Variants in TECRL observed in about 807,000 individuals in gnomAD.
The protein encoded by TECRL is trans-2,3-enoyl-CoA reductase like, also known as trans-2,3-enoyl-CoA reductase-like.
In TECRL, 63 loss-of-function variants were observed where a neutral mutation model predicts 52.8. That is an observed-to-expected ratio of 1.19 (90% confidence interval 0.97 to 1.47). TECRL has a LOEUF of 1.47. TECRL is among the 40% of genes most tolerant of loss of function. TECRL has a pLI of 0.00. For synonymous variants in TECRL, 164 were observed against 141.9 expected (o/e 1.16, Z -1.10); for missense variants, 482 against 429.6 (o/e 1.12, Z -1.08).
intron 2 of TECRL, among the ~76,000 whole-genome samples, chr4:64,368,919 A>G (rs1176215604): frequency 1.3e-5 from 2 of 152,108 alleles, no homozygotes; most frequent in Non-Finnish European, 1.5e-5. Context: ...ATTTTGGCAA[A>G]GATTTATATG....
intron 2 of TECRL, among the ~76,000 whole-genome samples, chr4:64,364,763 A>G (rs1223896353): frequency 6.6e-6 from 1 of 152,060 alleles, no homozygotes; most frequent in African/African-American, 2.4e-5. Flanking sequence ...AATCAGGAAT[A>G]CAAAACCTAC....
chr4:64,334,054 A>AAAAAAAAAAAATAAAG, intron 2 of TECRL, among the ~76,000 whole-genome samples: 1 of 147,472 alleles, frequency 6.8e-6, no homozygotes, highest in Non-Finnish European at 1.5e-5. Flanking sequence ...AAAAAAGAAA[A>AAAAAAAAAAAATAAAG]AGAGAGAATG....
intron 2 of TECRL, among the ~76,000 whole-genome samples, chr4:64,338,395 C>A (rs1719287645): frequency 6.6e-6 from 1 of 152,104 alleles, no homozygotes; most frequent in Non-Finnish European, 1.5e-5. Context: ...CTCTAAAACA[C>A]CAAAAGCAAT....
rs1262594647 is a variant in TECRL, at chr4:64,409,450, T to C, written c.-99A>G. On this transcript the variant is annotated 5_prime_UTR_variant, in exon 1 of 12. Transcript: ENST00000381210. ...ATACTGCTGGAGAACCTTTGAAAGG[T>C]CAAATGGTATGCCATTCCAAGAGTT... 3 of 1,503,634 alleles carry C rather than the reference T, an allele frequency of 2.0e-6. No homozygotes were observed. The highest frequency in any genetic ancestry group is 2.7e-5 in the South Asian group (2 of 74,402). 93.1% of individuals were successfully genotyped at this position (1,503,634 alleles called of 1,614,324 possible).
At chr4:64,382,482 T>C (rs1482995803) in intron 1 of TECRL, among the ~76,000 whole-genome samples, 2 of 151,092 alleles carry the variant, frequency 1.3e-5, no homozygotes, top group Non-Finnish European at 3.0e-5. Flanking sequence ...ACCTTCTTTG[T>C]CTCTTTTTAA....
In TECRL at chr4:64,399,261, G is replaced by A. The variant is rs1235952650; in HGVS notation, c.234+9857C>T. 2.6e-5 allele frequency among the ~76,000 whole-genome samples: 4 copies of A among 152,080 alleles called. No individual in the cohort carries two copies. In the East Asian group the frequency reaches 7.7e-4, roughly 29 times the overall value. On this transcript the variant is annotated intron_variant, in intron 1 of 11. Coordinates refer to ENST00000381210, the MANE Select transcript of TECRL (RefSeq NM_001010874.5). ...CAGCAAAGTGTTCAAGATGCACACT[G>A]GCTACTTCTCATAGCCTAATTTCAG...
intron 1 of TECRL, among the ~76,000 whole-genome samples, chr4:64,378,798 A>G (rs934984541): frequency 2.6e-5 from 4 of 152,024 alleles, no homozygotes; most frequent in Admixed American, 6.6e-5. Flanking sequence ...ACTGAATTAT[A>G]CTATGGTTTC....
chr4:64,365,743 CA>C (rs548482107), intron 2 of TECRL, among the ~76,000 whole-genome samples: 264 of 149,838 alleles, frequency 1.8e-3, no homozygotes, highest in Non-Finnish European at 3.0e-3. Flanking sequence ...CACCAAGAAA[CA>C]AAAAAAAATT....
chr4:64,299,913 T>C, intron 8 of TECRL, 61 bp downstream of exon 8: 1 of 927,586 alleles, frequency 1.1e-6, no homozygotes, highest in Non-Finnish European at 1.6e-6. Context: ...AGATACAGTC[T>C]GTTTTTCTTA....
intron 2 of TECRL, among the ~76,000 whole-genome samples, chr4:64,332,691 C>T (rs1036584910): frequency 1.3e-5 from 2 of 152,038 alleles, no homozygotes; most frequent in Non-Finnish European, 2.9e-5. Flanking sequence ...GAAACACAGA[C>T]ATTTTGGAAC....
Position 64,349,134 on chromosome 4 carries a change from C to A in TECRL, c.287-20578G>T, listed in dbSNP as rs867136293. Among the ~76,000 whole-genome samples the A allele has an allele frequency of 1.4e-3, 197 of 138,088 alleles. 1 individual carries two copies. Among genetic ancestry groups the A allele is most frequent in the African/African-American group, 5.2e-3 (188 of 36,132 alleles). 90.6% of individuals were successfully genotyped at this position (138,088 alleles called of 152,430 possible). A position where few individuals can be genotyped will look rare whatever the true frequency, so the allele number is the denominator to read the frequency against. ...AAATGTGAAAATAATTTATAAAAAA[C>A]GTTTTTTTTTTTTTTCAGATGGAGT... On this transcript the variant is annotated intron_variant, in intron 2 of 11. Coordinates refer to ENST00000381210, the MANE Select transcript of TECRL (RefSeq NM_001010874.5).
chr4:64,340,045 C>T (rs931647195), intron 2 of TECRL, among the ~76,000 whole-genome samples: 7 of 152,160 alleles, frequency 4.6e-5, no homozygotes, highest in Non-Finnish European at 1.0e-4. Context: ...TACTGAATTA[C>T]TCTATACAGA....
chr4:64,309,867 T>A lies in TECRL; in HGVS notation c.616A>T (p.Lys206Ter). 1 of 1,612,940 alleles carries A rather than the reference T, an allele frequency of 6.2e-7. No homozygotes were observed. ...RYLLETLFVH[K>*]VSAGHTPLKN... ...AAAGGTGTGTGTCCTGCAGAAACTTTGTGAACAAATAAGGTTTCCAAAAGG... is the reference window on the plus strand; with the variant it reads ...AAAGGTGTGTGTCCTGCAGAAACTTAGTGAACAAATAAGGTTTCCAAAAGG... The change falls in exon 6 of 12, where the codon AAA becomes TAA. Residue 206 changes from lysine to a stop codon, truncating the protein, a stop_gained. Coordinates refer to ENST00000381210, the MANE Select transcript of TECRL (RefSeq NM_001010874.5). LOFTEE classifies it high-confidence loss of function.
chr4:64,277,723 C>G lies in TECRL; in HGVS notation c.*2349G>C, dbSNP rs1472567717. 1.3e-5 allele frequency: 2 copies of G among 151,586 alleles called. No individual in the cohort carries two copies. The highest frequency in any genetic ancestry group is 3.0e-5 in the Non-Finnish European group (2 of 67,724). The allele number at this position is 151,586 out of a possible 1,614,324, so 9.4% of individuals were successfully genotyped here. On this transcript the variant is annotated 3_prime_UTR_variant, in exon 12 of 12. Coordinates refer to ENST00000381210, the MANE Select transcript of TECRL (RefSeq NM_001010874.5). ...GAGCTTTAATGAACATATTTTATAA[C>G]ATATGTATAATCTGAGAATTGAAAA...
Position 64,399,789 on chromosome 4 carries a change from T to G in TECRL, c.234+9329A>C, listed in dbSNP as rs1354460323. On this transcript the variant is annotated intron_variant, in intron 1 of 11. Coordinates refer to ENST00000381210, the MANE Select transcript of TECRL (RefSeq NM_001010874.5). Reference sequence around the variant, plus strand: ...ACCATTGCCTAGATTTCAGCGGATATATGAAAAAGCCTGGGTGTCCAAGCA... The same window carrying G: ...ACCATTGCCTAGATTTCAGCGGATAGATGAAAAAGCCTGGGTGTCCAAGCA... Among the ~76,000 whole-genome samples the G allele has an allele frequency of 2.6e-5, 4 of 152,086 alleles. 1 individual carries two copies. The highest frequency in any genetic ancestry group is 5.9e-5 in the Non-Finnish European group (4 of 68,014).
At chr4:64,313,280 T>G (rs565063187) in intron 5 of TECRL, among the ~76,000 whole-genome samples, 2 of 152,024 alleles carry the variant, frequency 1.3e-5, no homozygotes, top group African/African-American at 4.8e-5. Flanking sequence ...GTTTATTTAA[T>G]GCATAAAATT....
At position 64,409,333 on chromosome 4, in the gene TECRL, A is replaced by G. The variant is rs772612143; in HGVS notation, c.19T>C (p.Ser7Pro). The stretch of plus-strand genomic sequence containing the variant: ...GCTCTCTTGCGTTCCGAAGCGAGGG[A>G]CTTGTGCCTTTTGAACATTGTGTGA... MFKRHKSLASERKRALL... is the reference protein window; with the variant it reads MFKRHKPLASERKRALL... Residue 7 changes from serine (S) to proline (P), a missense_variant, in exon 1 of 12, where the codon TCC becomes CCC. Coordinates refer to ENST00000381210, the MANE Select transcript of TECRL (RefSeq NM_001010874.5). 3.1e-6 allele frequency: 5 copies of G among 1,613,378 alleles called. No homozygotes were observed. Among genetic ancestry groups the G allele is most frequent in the East Asian group, 2.2e-5 (1 of 44,838 alleles).
In TECRL at chr4:64,409,390, G is replaced by C. The variant is rs200659779; in HGVS notation, c.-39C>G. On this transcript the variant is annotated 5_prime_UTR_variant, in exon 1 of 12. Coordinates refer to ENST00000381210, the MANE Select transcript of TECRL (RefSeq NM_001010874.5). ...AGGAGGGTCTGTCATGTCAAAAGTA[G>C]AAAATTGCAAGTGTGTTCCTTTTGC... The C allele has an allele frequency of 9.2e-5, 147 of 1,597,884 alleles. 3 individuals carry two copies. In the South Asian group the frequency reaches 9.9e-4, roughly 11 times the overall value.
At position 64,280,063 on chromosome 4, in the gene TECRL, A is replaced by T; in HGVS notation, c.*9T>A. On this transcript the variant is annotated 3_prime_UTR_variant, in exon 12 of 12. Transcript: ENST00000381210. The stretch of plus-strand genomic sequence containing the variant: ...GTTGCTGTTTTCTATAGGAGATAAG[A>T]TTCTTTTTTTACAATATGAATGGAA... 1 of 1,586,502 alleles carries T rather than the reference A, an allele frequency of 6.3e-7. No individual in the cohort carries two copies. The highest frequency in any genetic ancestry group is 8.6e-7 in the Non-Finnish European group (1 of 1,168,222).
Sources: gnomAD v4.1 joint callset for allele counts (sites outside exome capture counted in the v4.1 genomes callset) on GRCh38, gnomAD v4.1.1 for gene constraint, MANE v1.5 for transcripts, NCBI Gene and HGNC (gene_info 2026-07-23, HGNC 2026-07-21) for gene names.